The following MEF2A variants were observed in gnomAD, a reference collection of about 807,000 sequenced individuals.
MEF2A encodes myocyte-specific enhancer factor 2A.
A neutral mutation model predicts 55.8 loss-of-function variants in MEF2A; 28 were observed. That is an observed-to-expected ratio of 0.50 (90% CI 0.37 to 0.69). The LOEUF is 0.69. Among genes scored for constraint, MEF2A ranks in the 30% least tolerant of loss-of-function variants. The pLI, the probability that MEF2A is intolerant of heterozygous loss-of-function variation, is 0.00. For missense variants in MEF2A, 528 were observed against 626.2 expected, an observed-to-expected ratio of 0.84 and a Z score of 1.67; for synonymous variants, 239 against 227.1, an observed-to-expected ratio of 1.05 and a Z score of -0.47.
At chr15:99,657,456 A>G (rs553083722) in intron 4 of MEF2A, 16 of 152,102 alleles carry the variant, frequency 1.1e-4, no homozygotes, top group Non-Finnish European at 1.9e-4. Context: ...TAAAAACTAG[A>G]TAAACTGTAA....
At chr15:99,683,925 C>T (rs1357133525) in intron 7 of MEF2A, among the ~76,000 whole-genome samples, 1 of 152,060 alleles carries the variant, frequency 6.6e-6, no homozygotes, top group Non-Finnish European at 1.5e-5. Flanking sequence ...ATCCTCATAG[C>T]TTAGCTCCCA....
At chr15:99,588,651 C>G (rs1030497517) in intron 1 of MEF2A, among the ~76,000 whole-genome samples, 3 of 151,482 alleles carry the variant, frequency 2.0e-5, no homozygotes, top group Admixed American at 1.3e-4. Flanking sequence ...TCTATGTTGC[C>G]CAGGCTGTTC....
At chr15:99,629,962 G>A (rs908318765) in intron 2 of MEF2A, among the ~76,000 whole-genome samples, 1 of 151,540 alleles carries the variant, frequency 6.6e-6, no homozygotes, top group Non-Finnish European at 1.5e-5. Context: ...TCTCTCTTTG[G>A]GGGTGGGGGA....
Position 99,637,834 on chromosome 15 carries a change from G to A in MEF2A, c.54+4661G>A, listed in dbSNP as rs8028444. ...ATTTTTTTGTATTTTTAGTAGAGAC[G>A]GGGTTTCATGGTGTCAGCCAGGATG... is the stretch of plus-strand genomic sequence containing the variant. On this transcript the variant is annotated intron_variant, in intron 3 of 11. Coordinates refer to ENST00000557942, the MANE Select transcript of MEF2A (RefSeq NM_001319206.4). Among the ~76,000 whole-genome samples the A allele has an allele frequency of 7.2e-3, 1,091 of 152,152 alleles. 11 individuals are homozygous for A. The highest frequency in any genetic ancestry group is 0.025 in the African/African-American group (1,025 of 41,514).
intron 4 of MEF2A, among the ~76,000 whole-genome samples, chr15:99,668,735 G>T (rs906470216): frequency 1.3e-5 from 2 of 152,180 alleles, no homozygotes; most frequent in Admixed American, 1.3e-4. Flanking sequence ...GGCCAGGATC[G>T]TATGTACCTG....
intron 3 of MEF2A, among the ~76,000 whole-genome samples, chr15:99,639,773 G>C (rs775283218): frequency 1.3e-5 from 2 of 151,778 alleles, no homozygotes; most frequent in Non-Finnish European, 2.9e-5. Flanking sequence ...TTCTGTCTTT[G>C]TCCCTTTTTA....
chr15:99,619,004 A>G (rs2040683518), intron 2 of MEF2A, among the ~76,000 whole-genome samples: 1 of 152,242 alleles, frequency 6.6e-6, no homozygotes, highest in Non-Finnish European at 1.5e-5. Context: ...GTATGAGCAA[A>G]TAGGAGGTGG....
At chr15:99,582,582 C>T (rs1359448065) in intron 1 of MEF2A, among the ~76,000 whole-genome samples, 5 of 152,052 alleles carry the variant, frequency 3.3e-5, no homozygotes, top group Non-Finnish European at 5.9e-5. Context: ...GATGTAGCAT[C>T]TCAGTGAAAA....
rs1050021511 is a variant in MEF2A, at chr15:99,710,498, C to A, written c.1010-136C>A. ...CCTCAAGTGATCCGCCCATCTTGGC[C>A]TCCCAAAGTGCTGGGATTACTGGCA... On this transcript the variant is annotated intron_variant, in intron 10 of 11. Coordinates refer to ENST00000557942, the MANE Select transcript of MEF2A (RefSeq NM_001319206.4). 6 of 1,088,328 alleles carry A rather than the reference C, an allele frequency of 5.5e-6. No homozygotes were observed. The East Asian group carries it at 1.6e-4, about 29-fold the overall frequency. 67.4% of individuals were successfully genotyped at this position (1,088,328 alleles called of 1,614,324 possible). A position where few individuals can be genotyped will look rare whatever the true frequency, so the allele number is the denominator to read the frequency against.
rs192925497 is a variant in MEF2A, at chr15:99,692,341, T to G, written c.858+1913T>G. ...AAAAAACAAGTACTTTTTTATCTGG[T>G]TATACAGAAATCTGGAAACAGTCAC... On this transcript the variant is annotated intron_variant, in intron 8 of 11. Coordinates refer to ENST00000557942, the MANE Select transcript of MEF2A (RefSeq NM_001319206.4). Among the ~76,000 whole-genome samples the G allele has an allele frequency of 6.6e-4, 101 of 152,284 alleles. 1 individual carries two copies. The East Asian group carries it at 0.019, about 28-fold the overall frequency.
rs533353138 is a variant in MEF2A at position 99,568,612 on chromosome 15, A to G, written c.-225+2508A>G. ...TGAAATAGTCTAGCTAAATCTTTTC[A>G]GTAGATTTGTGTTCTGATTTAGGAG... is the stretch of plus-strand genomic sequence containing the variant. On this transcript the variant is annotated intron_variant, in intron 1 of 11. Transcript: ENST00000557942. Among the ~76,000 whole-genome samples the G allele has an allele frequency of 3.9e-5, 6 of 152,350 alleles. No individual in the cohort carries two copies. The South Asian group carries it at 6.2e-4, about 16-fold the overall frequency.
Position 99,671,328 on chromosome 15 carries a change from A to G in MEF2A, c.264A>G (p.Leu88=). Residue 88 remains leucine (L), a synonymous_variant, in exon 5 of 12, where the codon TTA becomes TTG. Coordinates refer to ENST00000557942, the MANE Select transcript of MEF2A (RefSeq NM_001319206.4). The stretch of plus-strand genomic sequence containing the variant: ...ATTTTCCAATTGTATTTCAGACTTT[A>G]AGAAAGAAAGGCCTTAATGGTTGTG... ...SRTNSDIVET[L]RKKGLNGCES... 2 of 1,599,046 alleles carry G rather than the reference A, an allele frequency of 1.3e-6. No individual in the cohort carries two copies. Among genetic ancestry groups the G allele is most frequent in the Non-Finnish European group, 8.5e-7 (1 of 1,170,410 alleles).
intron 8 of MEF2A, among the ~76,000 whole-genome samples, chr15:99,691,559 G>A (rs1228247906): frequency 2.0e-5 from 3 of 152,044 alleles, no homozygotes; most frequent in Admixed American, 1.3e-4. Context: ...TTAGCCGGGC[G>A]TGGTGGCGCG....
At chr15:99,601,897 G>C (rs1299020558) in intron 2 of MEF2A, among the ~76,000 whole-genome samples, 2 of 148,930 alleles carry the variant, frequency 1.3e-5, no homozygotes, top group African/African-American at 4.9e-5. Context: ...AAAATTTCTT[G>C]TTCTTGAAGA....
chr15:99,620,116 T>G (rs1357556615), intron 2 of MEF2A, among the ~76,000 whole-genome samples: 2 of 152,278 alleles, frequency 1.3e-5, no homozygotes, highest in African/African-American at 4.8e-5. Flanking sequence ...TAAATTGCCT[T>G]TAAGTTATTA....
intron 4 of MEF2A, among the ~76,000 whole-genome samples, chr15:99,648,110 A>G (rs1567319605): frequency 1.3e-5 from 2 of 152,218 alleles, no homozygotes; most frequent in Non-Finnish European, 1.5e-5. Context: ...AGTTACTTAC[A>G]TAGAGCTTCC....
At chr15:99,603,522 A>G (rs1350748564) in intron 2 of MEF2A, among the ~76,000 whole-genome samples, 1 of 130,694 alleles carries the variant, frequency 7.7e-6, no homozygotes, top group Non-Finnish European at 1.6e-5. Flanking sequence ...GTAGGCATGC[A>G]GCCATCACAC....
chr15:99,647,229 G>T (rs2046106409), intron 4 of MEF2A, among the ~76,000 whole-genome samples: 1 of 150,826 alleles, frequency 6.6e-6, no homozygotes, highest in African/African-American at 2.4e-5. Flanking sequence ...TATCATTCAG[G>T]TAAGCTTTGT....
chr15:99,675,744 C>G (rs537493170), intron 7 of MEF2A, among the ~76,000 whole-genome samples: 1 of 152,098 alleles, frequency 6.6e-6, no homozygotes, highest in Non-Finnish European at 1.5e-5. Flanking sequence ...AGATAATTAA[C>G]ATATTTGTCT....
Sources: allele counts gnomAD v4.1 joint callset (sites outside exome capture counted in the v4.1 genomes callset), GRCh38; gene constraint gnomAD v4.1.1; transcripts MANE v1.5; gene names NCBI Gene and HGNC (gene_info 2026-07-23, HGNC 2026-07-21).